The following DNM3 variants were observed in gnomAD, a reference collection of about 807,000 sequenced individuals.
DNM3 encodes dynamin-3.
In DNM3, 47 loss-of-function variants were observed where a neutral mutation model predicts 101.6. The ratio of observed to expected loss-of-function variants is 0.46; its 90% CI spans 0.37 to 0.59. The LOEUF is 0.59. Ranked by LOEUF, DNM3 falls within the 20% of genes least tolerant of loss-of-function variation. The probability of loss-of-function intolerance (pLI) is 0.00; values close to 1 mark genes in which losing one functional copy is unlikely to be tolerated. For synonymous variants in DNM3, 385 were observed against 387.9 expected, an observed-to-expected ratio of 0.99 and a Z score of 0.09; for missense variants, 849 against 1,085.7, an observed-to-expected ratio of 0.78 and a Z score of 3.06.
chr1:171,997,338 G>C (rs992254755), intron 4 of DNM3, among the ~76,000 whole-genome samples: 3 of 152,132 alleles, frequency 2.0e-5, no homozygotes, highest in Non-Finnish European at 4.4e-5. Flanking sequence ...CAAATGGCTA[G>C]ATTAACTATA....
At position 172,155,677 on chromosome 1, in the gene DNM3, C is replaced by T. The variant is rs145426828; in HGVS notation, c.1659+24389C>T. On this transcript the variant is annotated intron_variant, in intron 14 of 20. Transcript: ENST00000627582. The stretch of plus-strand genomic sequence containing the variant: ...TTTATTTTTTCACTCACTCCATGAA[C>T]ATTTATCAGACGCCTGTGATGTTAG... Among the ~76,000 whole-genome samples the T allele has an allele frequency of 1.9e-3, 290 of 152,152 alleles. 2 individuals carry two copies. The highest frequency in any genetic ancestry group is 6.7e-3 in the African/African-American group (280 of 41,550).
chr1:172,053,803 G>A (rs1410834840), intron 10 of DNM3, among the ~76,000 whole-genome samples: 1 of 151,894 alleles, frequency 6.6e-6, no homozygotes, highest in African/African-American at 2.4e-5. Flanking sequence ...GCCTTATTAG[G>A]TATACTTTCA....
At chr1:171,888,153 G>C (rs908756033) in intron 1 of DNM3, among the ~76,000 whole-genome samples, 1 of 150,964 alleles carries the variant, frequency 6.6e-6, no homozygotes, top group Non-Finnish European at 1.5e-5. Flanking sequence ...TAGGAGTTAA[G>C]TAACAGAAAT....
chr1:172,062,711 T>G (rs1572337361), intron 10 of DNM3, among the ~76,000 whole-genome samples: 1 of 152,318 alleles, frequency 6.6e-6, no homozygotes, highest in Non-Finnish European at 1.5e-5. Flanking sequence ...TATGCCAATG[T>G]AGAACACCCC....
intron 4 of DNM3, among the ~76,000 whole-genome samples, chr1:172,010,294 GT>G (rs1238963954): frequency 1.3e-5 from 2 of 151,746 alleles, no homozygotes; most frequent in Admixed American, 1.3e-4. Context: ...ATTTGCAAAG[GT>G]TTTTTTAAAT....
At chr1:172,268,001 G>C (rs867411218) in intron 15 of DNM3, among the ~76,000 whole-genome samples, 3 of 152,036 alleles carry the variant, frequency 2.0e-5, no homozygotes, top group African/African-American at 7.2e-5. Context: ...TATGAGCCAC[G>C]GCACCTGGCC....
chr1:172,343,403 A>T (rs1215407182), intron 17 of DNM3, among the ~76,000 whole-genome samples: 1 of 152,212 alleles, frequency 6.6e-6, no homozygotes, highest in East Asian at 1.9e-4. Context: ...AAAAAAAAGT[A>T]AAATTCCAGC....
intron 17 of DNM3, among the ~76,000 whole-genome samples, chr1:172,355,603 A>G (rs1046488580): frequency 6.6e-6 from 1 of 152,110 alleles, no homozygotes; most frequent in Non-Finnish European, 1.5e-5. Context: ...CACCATTGGT[A>G]GTCAATTTTA....
chr1:172,276,557 A>ATGTGTGTGTGTGTG (rs60837783), intron 15 of DNM3, among the ~76,000 whole-genome samples: 22,323 of 144,130 alleles, frequency 0.15, 1,996 homozygotes, highest in East Asian at 0.25. Flanking sequence ...AAAAATCTTA[A>ATGTGTGTGTGTGTG]TGTGTGTGTG....
chr1:172,203,948 T>G (rs146731137), intron 14 of DNM3, among the ~76,000 whole-genome samples: 19 of 152,312 alleles, frequency 1.2e-4, no homozygotes, highest in African/African-American at 4.6e-4. Flanking sequence ...GCCACATTTT[T>G]AAAGGTGAAA....
At chr1:172,158,647 A>G (rs1375243641) in intron 14 of DNM3, among the ~76,000 whole-genome samples, 2 of 152,062 alleles carry the variant, frequency 1.3e-5, no homozygotes, top group African/African-American at 4.8e-5. Flanking sequence ...CAAACCAATG[A>G]AAAAATCTAA....
chr1:171,959,680 A>G (rs764326056), intron 2 of DNM3, among the ~76,000 whole-genome samples: 23 of 152,218 alleles, frequency 1.5e-4, no homozygotes, highest in Non-Finnish European at 2.6e-4. Flanking sequence ...AGAGAAGTCC[A>G]TAAAGAGAAG....
intron 12 of DNM3, among the ~76,000 whole-genome samples, chr1:172,084,015 C>T (rs1228786478): frequency 6.6e-6 from 1 of 152,146 alleles, no homozygotes; most frequent in Non-Finnish European, 1.5e-5. Flanking sequence ...CAACTCTACA[C>T]ATTTCTCATC....
chr1:172,290,121 G>A, intron 15 of DNM3: 1 of 446,164 alleles, frequency 2.2e-6, no homozygotes, highest in Non-Finnish European at 3.0e-6. Context: ...ATATTAATGA[G>A]CACCTACTAT....
At chr1:172,303,086 G>C (rs973311545) in intron 15 of DNM3, among the ~76,000 whole-genome samples, 3 of 152,122 alleles carry the variant, frequency 2.0e-5, no homozygotes, top group African/African-American at 7.2e-5. Flanking sequence ...ACTTCTCCAA[G>C]CAAAAGGAGC....
intron 6 of DNM3, among the ~76,000 whole-genome samples, chr1:172,036,995 A>G (rs191596893): frequency 1.5e-4 from 23 of 152,332 alleles, no homozygotes; most frequent in African/African-American, 4.8e-4. Flanking sequence ...ATGAACAGAC[A>G]CTTCTCAAAA....
At chr1:172,281,555 G>A (rs1406072970) in intron 15 of DNM3, among the ~76,000 whole-genome samples, 2 of 152,130 alleles carry the variant, frequency 1.3e-5, no homozygotes, top group Non-Finnish European at 2.9e-5. Flanking sequence ...GTAGCTTAGA[G>A]CCCAAATTAT....
chr1:171,850,072 A>G (rs968298459), intron 1 of DNM3, among the ~76,000 whole-genome samples: 3 of 152,186 alleles, frequency 2.0e-5, no homozygotes, highest in Non-Finnish European at 4.4e-5. Context: ...AGAAGGGGGA[A>G]AAACAATTGA....
chr1:172,279,002 A>T (rs1302895666), intron 15 of DNM3, among the ~76,000 whole-genome samples: 1 of 152,156 alleles, frequency 6.6e-6, no homozygotes, highest in Non-Finnish European at 1.5e-5. Flanking sequence ...CTGGTTTCAT[A>T]AGCATAATCT....
Sources: gnomAD v4.1 joint callset for allele counts (sites outside exome capture counted in the v4.1 genomes callset) on GRCh38, gnomAD v4.1.1 for gene constraint, MANE v1.5 for transcripts, NCBI Gene and HGNC (gene_info 2026-07-23, HGNC 2026-07-21) for gene names.